DCDC1: variants seen among roughly 807,000 people sequenced by gnomAD.
DCDC1 encodes doublecortin domain containing 1.
Under a neutral mutation model 178.3 loss-of-function variants are expected in DCDC1, and 200 were observed. The ratio of observed to expected loss-of-function variants is 1.12; its 90% confidence interval spans 1.00 to 1.26. The LOEUF (loss-of-function observed/expected upper bound fraction) is 1.26. Among genes scored for constraint, DCDC1 ranks in the 50% most tolerant of loss-of-function variants. The probability of loss-of-function intolerance (pLI) is 0.00; values close to 1 mark genes in which losing one functional copy is unlikely to be tolerated. For missense variants in DCDC1, 1,983 were observed against 1,749.2 expected, an observed-to-expected ratio of 1.13 and a Z score of -2.38; for synonymous variants, 690 against 604.8, an observed-to-expected ratio of 1.14 and a Z score of -2.07.
At chr11:31,017,562 C>A (rs1050334173) in intron 20 of DCDC1, among the ~76,000 whole-genome samples, 1 of 150,808 alleles carries the variant, frequency 6.6e-6, no homozygotes, top group Non-Finnish European at 1.5e-5. Context: ...AAAAAAAAAA[C>A]CTATCTGTTT....
chr11:31,337,985 T>C (rs1465081603), intron 1 of DCDC1, among the ~76,000 whole-genome samples: 1 of 152,088 alleles, frequency 6.6e-6, no homozygotes, highest in East Asian at 1.9e-4. Context: ...ATGCCCACAT[T>C]TGTATCAGCA....
rs960208611 is a variant in DCDC1 at position 31,251,014 on chromosome 11, A to G, written c.1055-9398T>C. On this transcript the variant is annotated intron_variant, in intron 8 of 38. Transcript: ENST00000684477. ...GTGATCCATCCACCTCAGCCTCCCA[A>G]AGTGCTGGGATTATAGGTGTGAGCC... 1.3e-4 allele frequency among the ~76,000 whole-genome samples: 20 copies of G among 152,144 alleles called. No individual in the cohort carries two copies. In the East Asian group the frequency reaches 3.9e-3, roughly 29 times the overall value.
chr11:31,196,269 T>C (rs982779277), intron 9 of DCDC1, among the ~76,000 whole-genome samples: 1 of 152,046 alleles, frequency 6.6e-6, no homozygotes, highest in Non-Finnish European at 1.5e-5. Flanking sequence ...CGTGGTGGTT[T>C]TCCCTACACC....
chr11:31,200,746 T>G (rs896744538), intron 9 of DCDC1, among the ~76,000 whole-genome samples: 3 of 152,022 alleles, frequency 2.0e-5, no homozygotes, highest in Non-Finnish European at 4.4e-5. Context: ...ACAAGCTCAT[T>G]AAAATCAGTA....
intron 20 of DCDC1, among the ~76,000 whole-genome samples, chr11:31,062,770 C>CT (rs577843303): frequency 2.0e-5 from 3 of 151,084 alleles, no homozygotes; most frequent in Admixed American, 6.6e-5. Context: ...TATAAAATAG[C>CT]TTTTTTTTCT....
At chr11:31,338,092 C>T (rs1436873299) in intron 1 of DCDC1, among the ~76,000 whole-genome samples, 1 of 152,134 alleles carries the variant, frequency 6.6e-6, no homozygotes, top group East Asian at 1.9e-4. Context: ...AAGGAAGACC[C>T]TTTCCAAAAG....
intron 9 of DCDC1, among the ~76,000 whole-genome samples, chr11:31,225,107 G>A (rs943601247): frequency 2.0e-5 from 3 of 152,020 alleles, no homozygotes; most frequent in African/African-American, 7.2e-5. Context: ...TATGGAACAA[G>A]CCTAAATGCC....
intron 20 of DCDC1, among the ~76,000 whole-genome samples, chr11:31,037,432 CTTTTTTTT>C (rs398055131): frequency 0.018 from 1,085 of 58,932 alleles, 22 homozygotes; most frequent in African/African-American, 0.067. Flanking sequence ...ATATTTCTTT[CTTTTTTTT>C]TTTTTTTTTT....
intron 17 of DCDC1, among the ~76,000 whole-genome samples, chr11:31,082,555 A>G (rs1183218294): frequency 6.6e-6 from 1 of 150,586 alleles, no homozygotes; most frequent in African/African-American, 2.5e-5. Flanking sequence ...CCATACAGCT[A>G]TATCGATATG....
At chr11:31,163,745 C>A (rs551466048) in intron 9 of DCDC1, among the ~76,000 whole-genome samples, 1 of 151,990 alleles carries the variant, frequency 6.6e-6, no homozygotes, top group East Asian at 1.9e-4. Context: ...GGGGATGGTA[C>A]GATTTATAAG....
At chr11:31,339,162 G>A (rs534085605) in intron 1 of DCDC1, among the ~76,000 whole-genome samples, 69 of 152,226 alleles carry the variant, frequency 4.5e-4, no homozygotes, top group Non-Finnish European at 9.3e-4. Context: ...CTGAAATTAA[G>A]AATGAATTTT....
chr11:31,112,363 T>A lies in DCDC1; in HGVS notation c.1486-2002A>T, dbSNP rs111967168. ...ATCCAATGTTTAAACAAAGATAGCT[T>A]TCTAAAGAGAGAGTTTCTATGATTG... On this transcript the variant is annotated intron_variant, in intron 11 of 38. Coordinates refer to ENST00000684477, the MANE Select transcript of DCDC1 (RefSeq NM_001387274.1). Among the ~76,000 whole-genome samples the A allele has an allele frequency of 2.2e-3, 338 of 152,326 alleles. 3 individuals carry two copies. Among genetic ancestry groups the A allele is most frequent in the African/African-American group, 7.7e-3 (319 of 41,578 alleles).
At chr11:31,057,575 C>G in intron 20 of DCDC1, among the ~76,000 whole-genome samples, 1 of 152,034 alleles carries the variant, frequency 6.6e-6, no homozygotes, top group South Asian at 2.1e-4. Context: ...CTTAAATGTA[C>G]ACATCATGAG....
chr11:31,222,857 T>C (rs1200886644), intron 9 of DCDC1, among the ~76,000 whole-genome samples: 4 of 152,178 alleles, frequency 2.6e-5, no homozygotes, highest in Non-Finnish European at 4.4e-5. Flanking sequence ...TTCCCAAATA[T>C]AGTCACATCA....
At chr11:30,963,370 T>C (rs960783656) in intron 20 of DCDC1, among the ~76,000 whole-genome samples, 10 of 152,168 alleles carry the variant, frequency 6.6e-5, no homozygotes, top group African/African-American at 2.4e-4. Context: ...TTAAAGTCCA[T>C]ATCAGACAGA....
chr11:30,939,126 T>C (rs1317641099), intron 21 of DCDC1, among the ~76,000 whole-genome samples: 2 of 152,180 alleles, frequency 1.3e-5, no homozygotes, highest in African/African-American at 4.8e-5. Flanking sequence ...GCAGTACTTA[T>C]AGTCCAATTT....
chr11:30,892,975 T>C lies in DCDC1; in HGVS notation c.4925A>G (p.Glu1642Gly). The change falls in exon 36 of 39, where the codon GAA (glutamate) becomes GGA (glycine). Residue 1642 changes from glutamate to glycine, a missense_variant. Physicochemically the swap from Glu to Gly is moderately conservative, Grantham distance 98. Coordinates refer to ENST00000684477, the MANE Select transcript of DCDC1 (RefSeq NM_001387274.1). ...HTEAHLSEIQ[E>G]MESKINFPIA... ...TGGAAAATTTATTTTGGATTCCATT[T>C]CTTGGATTTCAGAAAGGTGTGCCTG... 1 of 1,613,910 alleles carries C rather than the reference T, an allele frequency of 6.2e-7. No homozygotes were observed. The highest frequency in any genetic ancestry group is 8.5e-7 in the Non-Finnish European group (1 of 1,179,832).
intron 20 of DCDC1, among the ~76,000 whole-genome samples, chr11:31,030,597 C>T (rs1259380937): frequency 1.3e-5 from 2 of 152,106 alleles, no homozygotes; most frequent in African/African-American, 4.8e-5. Context: ...TTCCCTTTGC[C>T]GAAGCAAGAC....
At chr11:30,987,688 G>C (rs138323348) in intron 20 of DCDC1, among the ~76,000 whole-genome samples, 1 of 152,150 alleles carries the variant, frequency 6.6e-6, no homozygotes, top group East Asian at 1.9e-4. Context: ...TGGTGGAAAG[G>C]CTCTAGATCA....
Sources: allele counts gnomAD v4.1 joint callset (sites outside exome capture counted in the v4.1 genomes callset), GRCh38; gene constraint gnomAD v4.1.1; transcripts MANE v1.5; gene names NCBI Gene and HGNC (gene_info 2026-07-23, HGNC 2026-07-21).